Variants in IL1RAPL2 observed in about 807,000 individuals in gnomAD.
The protein encoded by IL1RAPL2 is interleukin 1 receptor accessory protein like 2.
In IL1RAPL2, 3 loss-of-function variants were observed where a neutral mutation model predicts 44.1. That is an observed-to-expected ratio of 0.07 (90% CI 0.03 to 0.18). The LOEUF (loss-of-function observed/expected upper bound fraction) is 0.18, where lower values mean the gene tolerates loss of function less well. IL1RAPL2 is among the 10% of genes least tolerant of loss of function. The pLI is 1.00. For missense variants in IL1RAPL2, 391 were observed against 496.4 expected, an observed-to-expected ratio of 0.79 and a Z score of 2.02; for synonymous variants, 181 against 178.8, an observed-to-expected ratio of 1.01 and a Z score of -0.10.
chrX:104,568,282 AAGGG>A (rs774151646), intron 1 of IL1RAPL2, among the ~76,000 whole-genome samples: 1 of 111,338 alleles, frequency 9.0e-6, no homozygotes. Flanking sequence ...CCAAGGAAGT[AAGGG>A]AGGGAGGGAG....
chrX:105,120,230 A>G (rs1048642390), intron 2 of IL1RAPL2, among the ~76,000 whole-genome samples: 1 of 107,081 alleles, frequency 9.3e-6, no homozygotes, highest in Non-Finnish European at 1.9e-5. Context: ...TACTAGATAT[A>G]TATATTTAGT....
chrX:105,021,029 T>A lies in IL1RAPL2; in HGVS notation c.83-174446T>A, dbSNP rs1047134003. Among the ~76,000 whole-genome samples, 5 of 111,873 alleles carry A rather than the reference T, an allele frequency of 4.5e-5. No homozygotes were observed. The East Asian group carries it at 1.1e-3, about 25-fold the overall frequency. On this transcript the variant is annotated intron_variant, in intron 2 of 10. Coordinates refer to ENST00000372582, the MANE Select transcript of IL1RAPL2 (RefSeq NM_017416.2). ...AGACAAAGCCACACTGCAAAATCAG[T>A]TGGCATCTGGTTTCTCTTCAGTTCT...
intron 4 of IL1RAPL2, among the ~76,000 whole-genome samples, chrX:105,260,933 C>T (rs1225446183): frequency 2.7e-5 from 3 of 112,311 alleles, no homozygotes; most frequent in Admixed American, 9.4e-5. Context: ...GCTATTGCTG[C>T]TCAGCCCCCT....
chrX:105,078,724 G>C (rs1312909032), intron 2 of IL1RAPL2, among the ~76,000 whole-genome samples: 1 of 55 alleles, frequency 0.018, no homozygotes, highest in Non-Finnish European at 0.032. Context: ...ACTCAAGCCT[G>C]AGCAATGCGG....
At chrX:105,086,829 C>G (rs2147552215) in intron 2 of IL1RAPL2, among the ~76,000 whole-genome samples, 1 of 109,076 alleles carries the variant, frequency 9.2e-6, no homozygotes, top group South Asian at 3.9e-4. Flanking sequence ...GTTTTAGTAG[C>G]CATATATGGC....
At chrX:105,326,076 A>G (rs1275254435) in intron 5 of IL1RAPL2, among the ~76,000 whole-genome samples, 1 of 111,546 alleles carries the variant, frequency 9.0e-6, no homozygotes, top group Non-Finnish European at 1.9e-5. Flanking sequence ...TTTTAGATAC[A>G]GGATCTCACT....
chrX:104,650,269 A>T (rs980771715), intron 1 of IL1RAPL2, among the ~76,000 whole-genome samples: 1 of 111,953 alleles, frequency 8.9e-6, no homozygotes, highest in Admixed American at 9.5e-5. Flanking sequence ...AATTGCCATG[A>T]TAGTAGGTAT....
intron 5 of IL1RAPL2, among the ~76,000 whole-genome samples, chrX:105,455,847 G>T (rs1488755550): frequency 9.0e-6 from 1 of 111,675 alleles, no homozygotes; most frequent in Non-Finnish European, 1.9e-5. Context: ...CTTTCATCTA[G>T]TTCTGTGAAG....
At chrX:105,635,847 A>G (rs893496419) in intron 6 of IL1RAPL2, among the ~76,000 whole-genome samples, 1 of 111,353 alleles carries the variant, frequency 9.0e-6, no homozygotes, top group African/African-American at 3.3e-5. Context: ...GGTTTTTGGC[A>G]GAGTAATAAG....
chrX:105,123,945 C>T (rs751031311), intron 2 of IL1RAPL2, among the ~76,000 whole-genome samples: 5 of 111,156 alleles, frequency 4.5e-5, no homozygotes, highest in Non-Finnish European at 9.5e-5. Flanking sequence ...TCAAACCTGG[C>T]TTGGTTTAAT....
chrX:104,677,175 G>C (rs1316672327), intron 2 of IL1RAPL2, among the ~76,000 whole-genome samples: 1 of 111,772 alleles, frequency 8.9e-6, no homozygotes, highest in African/African-American at 3.3e-5. Flanking sequence ...GAGGTGCTCT[G>C]CTTTTTAGAG....
At chrX:105,362,982 C>A (rs764227134) in intron 5 of IL1RAPL2, among the ~76,000 whole-genome samples, 2 of 108,528 alleles carry the variant, frequency 1.8e-5, no homozygotes, top group Non-Finnish European at 3.8e-5. Context: ...AACTTTGTAC[C>A]CTTTGAGCAA....
chrX:105,310,209 T>A (rs1242134964), intron 5 of IL1RAPL2, among the ~76,000 whole-genome samples: 1 of 111,736 alleles, frequency 8.9e-6, no homozygotes, highest in Non-Finnish European at 1.9e-5. Flanking sequence ...GACTATTTTT[T>A]AAATCATTTA....
intron 2 of IL1RAPL2, among the ~76,000 whole-genome samples, chrX:104,882,790 C>A (rs1046104593): frequency 7.1e-5 from 8 of 111,925 alleles, no homozygotes; most frequent in African/African-American, 2.6e-4. Flanking sequence ...CTTGCTGCTG[C>A]TCACTCTTTG....
At chrX:104,667,866 A>G (rs901435062) in intron 2 of IL1RAPL2, among the ~76,000 whole-genome samples, 16 of 111,582 alleles carry the variant, frequency 1.4e-4, no homozygotes, top group African/African-American at 5.2e-4. Flanking sequence ...AGAGTCATAT[A>G]AGAGGCATGG....
intron 2 of IL1RAPL2, among the ~76,000 whole-genome samples, chrX:104,935,564 T>C (rs1190488109): frequency 1.8e-5 from 2 of 112,352 alleles, no homozygotes; most frequent in Non-Finnish European, 3.8e-5. Flanking sequence ...ACAATATATG[T>C]ATTCCTCTTG....
At chrX:105,046,422 C>G (rs920856550) in intron 2 of IL1RAPL2, among the ~76,000 whole-genome samples, 1 of 111,340 alleles carries the variant, frequency 9.0e-6, no homozygotes, top group Non-Finnish European at 1.9e-5. Flanking sequence ...ATTTCCTTCT[C>G]TTTGCTTGAT....
intron 6 of IL1RAPL2, among the ~76,000 whole-genome samples, chrX:105,711,227 G>T (rs774087914): frequency 9.1e-6 from 1 of 109,757 alleles, no homozygotes; most frequent in East Asian, 2.9e-4. Flanking sequence ...GGACAATATA[G>T]AAAAAGATTT....
intron 5 of IL1RAPL2, among the ~76,000 whole-genome samples, chrX:105,439,517 C>CAAAAAAAAAAAA (rs11337790): frequency 1.7e-5 from 1 of 59,111 alleles, no homozygotes; most frequent in Non-Finnish European, 3.1e-5. Flanking sequence ...TTTTGCTGTA[C>CAAAAAAAAAAAA]AAAAAAAAAA....
Sources: gnomAD v4.1 joint callset for allele counts (sites outside exome capture counted in the v4.1 genomes callset) on GRCh38, gnomAD v4.1.1 for gene constraint, MANE v1.5 for transcripts, NCBI Gene and HGNC (gene_info 2026-07-23, HGNC 2026-07-21) for gene names.